Variants in CFAP299 observed in about 807,000 individuals in gnomAD.
CFAP299 encodes cilia- and flagella-associated protein 299.
A neutral mutation model predicts 27.0 loss-of-function variants in CFAP299; 21 were observed. The observed-to-expected ratio is 0.78, with a 90% CI of 0.55 to 1.12. The LOEUF is 1.12. CFAP299 is among the 50% of genes most tolerant of loss of function. The probability of loss-of-function intolerance (pLI) is 0.00; values close to 1 mark genes in which losing one functional copy is unlikely to be tolerated. For synonymous variants in CFAP299, 104 were observed against 98.1 expected (o/e 1.06, Z -0.36); for missense variants, 310 against 276.6 (o/e 1.12, Z -0.86).
intron 2 of CFAP299, among the ~76,000 whole-genome samples, chr4:80,414,074 T>TCC (rs57634114): frequency 2.0e-5 from 1 of 50,964 alleles, no homozygotes; most frequent in Non-Finnish European, 4.2e-5. Flanking sequence ...CTTTTTTTTT[T>TCC]TTTTTTTTTT....
intron 2 of CFAP299, among the ~76,000 whole-genome samples, chr4:80,395,229 A>G (rs1458911107): frequency 6.6e-6 from 1 of 152,062 alleles, no homozygotes; most frequent in African/African-American, 2.4e-5. Context: ...TTGTTAGTGT[A>G]TACAAACATA....
At chr4:80,871,095 C>G (rs12233641) in intron 4 of CFAP299, 59,478 of 514,938 alleles carry the variant, frequency 0.12, 3,778 homozygotes, top group Middle Eastern at 0.24. Context: ...TTAGTAGAGA[C>G]AGGGTTCCAC....
intron 4 of CFAP299, among the ~76,000 whole-genome samples, chr4:80,923,247 A>G (rs1400116713): frequency 6.6e-6 from 1 of 152,016 alleles, no homozygotes; most frequent in African/African-American, 2.4e-5. Context: ...GTGGAGTTAG[A>G]GTTGAATCCA....
chr4:80,784,084 G>A (rs970455728), intron 3 of CFAP299, among the ~76,000 whole-genome samples: 5 of 152,032 alleles, frequency 3.3e-5, no homozygotes, highest in African/African-American at 7.2e-5. Context: ...TTTTTTAGAG[G>A]CTAAATAATA....
chr4:80,794,684 A>G (rs753053138), intron 3 of CFAP299, among the ~76,000 whole-genome samples: 10 of 152,218 alleles, frequency 6.6e-5, no homozygotes, highest in African/African-American at 2.2e-4. Context: ...GTGAAATACC[A>G]TGATGGTGGA....
intron 3 of CFAP299, among the ~76,000 whole-genome samples, chr4:80,662,283 T>G (rs1399953282): frequency 6.6e-6 from 1 of 152,108 alleles, no homozygotes; most frequent in African/African-American, 2.4e-5. Context: ...CGACGTGTGA[T>G]GTCTCCCCTG....
intron 3 of CFAP299, among the ~76,000 whole-genome samples, chr4:80,727,157 C>T (rs1442507965): frequency 6.6e-5 from 10 of 151,900 alleles, no homozygotes; most frequent in Non-Finnish European, 1.3e-4. Context: ...TGTATCTTTT[C>T]TGGAAAAAAT....
intron 5 of CFAP299, among the ~76,000 whole-genome samples, chr4:80,962,892 C>T (rs940567995): frequency 6.6e-6 from 1 of 152,014 alleles, no homozygotes; most frequent in Admixed American, 6.6e-5. Flanking sequence ...TCTTTCTTCT[C>T]CCTTATCAAT....
chr4:80,360,709 C>T (rs2109996125), intron 1 of CFAP299, among the ~76,000 whole-genome samples: 1 of 152,272 alleles, frequency 6.6e-6, no homozygotes, highest in East Asian at 1.9e-4. Flanking sequence ...AATCCTAGGG[C>T]AGATAATGTA....
chr4:80,940,601 A>G lies in CFAP299; in HGVS notation c.477-4209A>G, dbSNP rs370986119. Among the ~76,000 whole-genome samples the G allele has an allele frequency of 4.0e-3, 615 of 152,278 alleles. 1 individual carries two copies. The highest frequency in any genetic ancestry group is 0.014 in the Middle Eastern group (4 of 294). ...TCATTGTTAAAATCGCTGTTGCTGT[A>G]GGGGAGTGAGGGCTGGAGTCTCTTA... On this transcript the variant is annotated intron_variant, in intron 4 of 5. Coordinates refer to ENST00000358105, the MANE Select transcript of CFAP299 (RefSeq NM_152770.3).
intron 3 of CFAP299, among the ~76,000 whole-genome samples, chr4:80,844,253 C>T (rs951711088): frequency 1.3e-5 from 2 of 151,998 alleles, no homozygotes; most frequent in African/African-American, 4.8e-5. Flanking sequence ...ATTTATAGTC[C>T]TTTGGGTATA....
intron 2 of CFAP299, among the ~76,000 whole-genome samples, chr4:80,368,955 CA>C (rs5859723): frequency 0.85 from 128,668 of 152,184 alleles, 54,580 homozygotes; most frequent in African/African-American, 0.91. Flanking sequence ...GTTGAGAAAG[CA>C]AACACCTGTG....
At chr4:80,956,688 T>G (rs913240706) in intron 5 of CFAP299, among the ~76,000 whole-genome samples, 2 of 151,982 alleles carry the variant, frequency 1.3e-5, no homozygotes, top group Non-Finnish European at 2.9e-5. Flanking sequence ...CCTCAAGCGA[T>G]CCTCCTGCCT....
intron 2 of CFAP299, among the ~76,000 whole-genome samples, chr4:80,478,177 T>A (rs1560585490): frequency 6.6e-6 from 1 of 152,190 alleles, no homozygotes; most frequent in African/African-American, 2.4e-5. Context: ...CCTGGTGTAT[T>A]GTATGCCAAC....
intron 2 of CFAP299, among the ~76,000 whole-genome samples, chr4:80,562,749 G>C (rs181748603): frequency 6.6e-6 from 1 of 150,956 alleles, no homozygotes; most frequent in Non-Finnish European, 1.5e-5. Context: ...AAGACATAGA[G>C]TGGATGAATG....
intron 2 of CFAP299, among the ~76,000 whole-genome samples, chr4:80,419,186 A>T (rs568496967): frequency 1.2e-3 from 185 of 152,044 alleles, no homozygotes; most frequent in African/African-American, 4.2e-3. Context: ...GATATAAAGT[A>T]CACTTGGAAG....
At chr4:80,916,283 A>G (rs1209073746) in intron 4 of CFAP299, among the ~76,000 whole-genome samples, 4 of 116,258 alleles carry the variant, frequency 3.4e-5, no homozygotes, top group Admixed American at 9.5e-5. Context: ...ATATATATAT[A>G]TATATATATA....
intron 3 of CFAP299, among the ~76,000 whole-genome samples, chr4:80,682,094 AC>A (rs767278830): frequency 1.3e-5 from 2 of 152,114 alleles, no homozygotes; most frequent in Non-Finnish European, 2.9e-5. Flanking sequence ...TTTATTTTTC[AC>A]CAAAAGTGTT....
At chr4:80,538,071 C>A (rs2110195532) in intron 2 of CFAP299, among the ~76,000 whole-genome samples, 1 of 152,148 alleles carries the variant, frequency 6.6e-6, no homozygotes. Context: ...CATAATGGAG[C>A]TGAAAAATTT....
Sources: gnomAD v4.1 joint callset for allele counts (sites outside exome capture counted in the v4.1 genomes callset) on GRCh38, gnomAD v4.1.1 for gene constraint, MANE v1.5 for transcripts, NCBI Gene and HGNC (gene_info 2026-07-23, HGNC 2026-07-21) for gene names.